The following SPRY3 variants were observed in gnomAD, a reference collection of about 807,000 sequenced individuals.
The protein encoded by SPRY3 is protein sprouty homolog 3.
SPRY3 carries 15 observed loss-of-function variants against 20.2 expected under a neutral mutation model. That is an observed-to-expected ratio of 0.74 (90% CI 0.50 to 1.14). The LOEUF (loss-of-function observed/expected upper bound fraction) is 1.14. SPRY3 is among the 50% of genes most tolerant of loss of function. The probability of loss-of-function intolerance (pLI) is 0.00; values close to 1 mark genes in which losing one functional copy is unlikely to be tolerated. For synonymous variants in SPRY3, 143 were observed against 136.5 expected (o/e 1.05, Z -0.33); for missense variants, 364 against 363.9 (o/e 1.00, Z 0.00).
intron 2 of SPRY3, among the ~76,000 whole-genome samples, chrX:155,755,238 AAT>A (rs1434219775): frequency 6.7e-6 from 1 of 149,430 alleles, no homozygotes; most frequent in Non-Finnish European, 1.5e-5. Flanking sequence ...CTTTTACCCC[AAT>A]GTCTTTAAAT....
chrX:155,781,853 C>T (rs956509536), exon 2 of SPRY3: 2 of 163,184 alleles, frequency 1.2e-5, no homozygotes, highest in African/African-American at 2.5e-5. Context: ...CAAGATTGAA[C>T]ACTTGTGTAG....
At chrX:155,673,014 A>G (rs1218295203) in intron 2 of SPRY3, among the ~76,000 whole-genome samples, 1 of 84,780 alleles carries the variant, frequency 1.2e-5, no homozygotes, top group Non-Finnish European at 2.3e-5. Flanking sequence ...GAATTGAACA[A>G]TGAGAACACA....
chrX:155,717,420 G>T (rs772813576), intron 2 of SPRY3, among the ~76,000 whole-genome samples: 4 of 151,874 alleles, frequency 2.6e-5, no homozygotes, highest in Non-Finnish European at 5.9e-5. Context: ...TTAAGTTCTG[G>T]GATACACGTG....
chrX:155,728,983 T>A (rs1429755199), intron 2 of SPRY3, among the ~76,000 whole-genome samples: 1 of 152,102 alleles, frequency 6.6e-6, no homozygotes, highest in Non-Finnish European at 1.5e-5. Context: ...AGAAAGACAC[T>A]ATATAATGAT....
At chrX:155,755,771 G>T (rs1469074183) in intron 2 of SPRY3, among the ~76,000 whole-genome samples, 2 of 152,054 alleles carry the variant, frequency 1.3e-5, no homozygotes, top group Admixed American at 1.3e-4. Context: ...TGGCTTGTTG[G>T]AGAGAGTGTT....
intron 2 of SPRY3, among the ~76,000 whole-genome samples, chrX:155,705,167 T>C (rs1333350511): frequency 6.6e-6 from 1 of 151,454 alleles, no homozygotes; most frequent in African/African-American, 2.4e-5. Context: ...AGAAAAAATA[T>C]AATAATTTAT....
At chrX:155,754,266 C>T (rs1358108955) in intron 2 of SPRY3, among the ~76,000 whole-genome samples, 3 of 152,052 alleles carry the variant, frequency 2.0e-5, no homozygotes, top group East Asian at 3.9e-4. Flanking sequence ...TTTTGTACAG[C>T]ATATGATTTG....
intron 1 of SPRY3, among the ~76,000 whole-genome samples, chrX:155,626,554 T>G (rs1339490442): frequency 9.0e-6 from 1 of 111,692 alleles, no homozygotes; most frequent in African/African-American, 3.2e-5. Flanking sequence ...AATTTTGATG[T>G]TGTTGAATTT....
At chrX:155,640,762 T>C (rs782460833) in intron 1 of SPRY3, among the ~76,000 whole-genome samples, 1 of 112,174 alleles carries the variant, frequency 8.9e-6, no homozygotes, top group East Asian at 2.8e-4. Flanking sequence ...TACTGATTTT[T>C]GTATGTTGAT....
intron 1 of SPRY3, among the ~76,000 whole-genome samples, chrX:155,621,850 T>C (rs907261686): frequency 1.5e-4 from 17 of 111,622 alleles, no homozygotes; most frequent in African/African-American, 5.5e-4. Context: ...ATACCGTATC[T>C]TATTACACAA....
At chrX:155,685,060 T>G (rs2068083647) in intron 2 of SPRY3, among the ~76,000 whole-genome samples, 1 of 112,149 alleles carries the variant, frequency 8.9e-6, no homozygotes, top group Non-Finnish European at 1.9e-5. Context: ...TTATGATGTA[T>G]CTGGTCATGG....
At chrX:155,707,289 G>T (rs1224423848) in intron 2 of SPRY3, among the ~76,000 whole-genome samples, 1 of 151,076 alleles carries the variant, frequency 6.6e-6, no homozygotes, top group Non-Finnish European at 1.5e-5. Context: ...AATATTTGGG[G>T]AGCTCTAAAT....
At chrX:155,685,131 T>C (rs1243844009) in intron 2 of SPRY3, among the ~76,000 whole-genome samples, 1 of 112,156 alleles carries the variant, frequency 8.9e-6, no homozygotes, top group Non-Finnish European at 1.9e-5. Flanking sequence ...AGATTTGTCT[T>C]TGTCAAACTT....
intron 2 of SPRY3, among the ~76,000 whole-genome samples, chrX:155,681,196 G>A (rs756677782): frequency 9.0e-6 from 1 of 111,376 alleles, no homozygotes; most frequent in Non-Finnish European, 1.9e-5. Flanking sequence ...AGTCATGGGG[G>A]CGGTTTCCCC....
chrX:155,709,379 G>A (rs1355510671), intron 2 of SPRY3, among the ~76,000 whole-genome samples: 1 of 151,156 alleles, frequency 6.6e-6, no homozygotes, highest in Non-Finnish European at 1.5e-5. Context: ...GGGGCGAGAG[G>A]AGAATGTTGT....
intron 2 of SPRY3, among the ~76,000 whole-genome samples, chrX:155,721,973 A>G (rs1364308691): frequency 2.6e-5 from 4 of 152,184 alleles, no homozygotes; most frequent in Non-Finnish European, 5.9e-5. Context: ...AGAATAAATG[A>G]TGGACCAATC....
intron 2 of SPRY3, among the ~76,000 whole-genome samples, chrX:155,660,328 T>G (rs2124551775): frequency 8.9e-6 from 1 of 112,289 alleles, no homozygotes; most frequent in Non-Finnish European, 1.9e-5. Flanking sequence ...ACTTGAATAG[T>G]TTTGAGACTT....
At chrX:155,665,926 C>T (rs1172024556) in intron 2 of SPRY3, among the ~76,000 whole-genome samples, 1 of 112,044 alleles carries the variant, frequency 8.9e-6, no homozygotes, top group Non-Finnish European at 1.9e-5. Context: ...TTCATAATTA[C>T]AATTTTAAAA....
chrX:155,620,660 G>A (rs1412815709), intron 1 of SPRY3, among the ~76,000 whole-genome samples: 2 of 111,352 alleles, frequency 1.8e-5, no homozygotes, highest in Non-Finnish European at 3.8e-5. Context: ...TAGAATAATG[G>A]TTTCCTGGAG....
Sources: gnomAD v4.1 joint callset for allele counts (sites outside exome capture counted in the v4.1 genomes callset) on GRCh38, gnomAD v4.1.1 for gene constraint, MANE v1.5 for transcripts, NCBI Gene and HGNC (gene_info 2026-07-23, HGNC 2026-07-21) for gene names.